NWD2: variants seen among roughly 807,000 people sequenced by gnomAD.
NWD2 encodes NACHT and WD repeat domain containing 2, also known as NACHT and WD repeat domain-containing protein 2.
In NWD2, 37 loss-of-function variants were observed where a neutral mutation model predicts 132.7. The ratio of observed to expected loss-of-function variants is 0.28; its 90% CI spans 0.21 to 0.37. The LOEUF (loss-of-function observed/expected upper bound fraction) is 0.37, where lower values mean the gene tolerates loss of function less well. NWD2 is among the 10% of genes least tolerant of loss of function. The probability of loss-of-function intolerance (pLI) is 1.00; values close to 1 mark genes in which losing one functional copy is unlikely to be tolerated. For missense variants in NWD2, 1,592 were observed against 2,122.4 expected, an observed-to-expected ratio of 0.75 and a Z score of 4.91; for synonymous variants, 705 against 803.0, an observed-to-expected ratio of 0.88 and a Z score of 2.06.
intron 3 of NWD2, 96 bp downstream of exon 3, chr4:37,356,578 G>A: frequency 1.3e-6 from 1 of 750,988 alleles, no homozygotes; most frequent in South Asian, 1.8e-5. Flanking sequence ...TAAATGAGGG[G>A]GAAAAAGACT....
At chr4:37,341,785 A>G (rs1003190113) in intron 2 of NWD2, among the ~76,000 whole-genome samples, 4 of 152,206 alleles carry the variant, frequency 2.6e-5, no homozygotes, top group African/African-American at 4.8e-5. Context: ...TACCTATTTC[A>G]TAAGTTTAAG....
At chr4:37,431,528 A>C (rs1409421913) in intron 4 of NWD2, among the ~76,000 whole-genome samples, 1 of 152,158 alleles carries the variant, frequency 6.6e-6, no homozygotes, top group Admixed American at 6.5e-5. Flanking sequence ...ATTTAGAGGA[A>C]ATAGAGAGAT....
intron 1 of NWD2, among the ~76,000 whole-genome samples, chr4:37,301,167 GCTGTT>G (rs982968512): frequency 2.8e-4 from 43 of 152,146 alleles, no homozygotes; most frequent in African/African-American, 8.2e-4. Flanking sequence ...GGCTTCTAAT[GCTGTT>G]GCAAAGTCAG....
intron 3 of NWD2, among the ~76,000 whole-genome samples, chr4:37,419,629 A>C (rs751806437): frequency 1.3e-5 from 2 of 152,208 alleles, no homozygotes; most frequent in Non-Finnish European, 2.9e-5. Flanking sequence ...ATTTTTTAAA[A>C]ACCACTTGAA....
At chr4:37,377,103 G>C (rs1720362607) in intron 3 of NWD2, among the ~76,000 whole-genome samples, 2 of 152,128 alleles carry the variant, frequency 1.3e-5, no homozygotes, top group Admixed American at 1.3e-4. Flanking sequence ...AGATTAAACT[G>C]TTTGCTGACC....
rs576528963 is a variant in NWD2 at position 37,366,650 on chromosome 4, A to C, written c.357+10168A>C. On this transcript the variant is annotated intron_variant, in intron 3 of 6. Coordinates refer to ENST00000309447, the MANE Select transcript of NWD2 (RefSeq NM_001144990.2). ...AATCGGCTGAGAGTAAAATGATAAAAGTATGTATATCTAGATATAGATATA... is the reference window on the plus strand; with the variant it reads ...AATCGGCTGAGAGTAAAATGATAAACGTATGTATATCTAGATATAGATATA... 2.0e-3 allele frequency among the ~76,000 whole-genome samples: 307 copies of C among 152,260 alleles called. 1 individual carries two copies. Among genetic ancestry groups the C allele is most frequent in the African/African-American group, 7.1e-3 (295 of 41,560 alleles).
At chr4:37,434,771 T>G (rs1357574849) in intron 5 of NWD2, among the ~76,000 whole-genome samples, 1 of 141,968 alleles carries the variant, frequency 7.0e-6, no homozygotes, top group African/African-American at 2.6e-5. Flanking sequence ...AAAAGATAGC[T>G]TTACTTTTTT....
chr4:37,383,320 T>C (rs976290824), intron 3 of NWD2, among the ~76,000 whole-genome samples: 7 of 152,212 alleles, frequency 4.6e-5, no homozygotes, highest in Middle Eastern at 3.2e-3. Context: ...GATATCTCTT[T>C]AGATTTCATC....
intron 1 of NWD2, among the ~76,000 whole-genome samples, chr4:37,292,912 C>T (rs562137337): frequency 3.3e-5 from 5 of 152,022 alleles, no homozygotes; most frequent in African/African-American, 1.2e-4. Context: ...GCTTGCCCAC[C>T]GCTCACCTCC....
At chr4:37,408,008 G>C (rs1721079812) in intron 3 of NWD2, among the ~76,000 whole-genome samples, 1 of 152,198 alleles carries the variant, frequency 6.6e-6, no homozygotes, top group East Asian at 1.9e-4. Flanking sequence ...TACTGCACTT[G>C]TCCCATGGTC....
rs1329240429 is a variant in NWD2 at position 37,443,597 on chromosome 4, C to T, written c.1609C>T (p.Arg537Cys). 28 of 1,551,670 alleles carry T rather than the reference C, an allele frequency of 1.8e-5. No homozygotes were observed. Among genetic ancestry groups the T allele is most frequent in the South Asian group, 4.8e-5 (4 of 84,046 alleles). The change falls in exon 7 of 7, where the codon CGC (arginine) becomes TGC (cysteine). Residue 537 changes from arginine to cysteine, a missense_variant. This residue lies in a region of NWD2 where 1,071 missense variants were observed against 1,398.0 expected (regional missense o/e 0.77). Transcript: ENST00000309447. The surrounding 1 kb of genome is among the most constrained non-coding windows in gnomAD (Gnocchi z 4.1). The part of the protein sequence containing the change: ...KLWWLPAHLP[R>C]FVRIVLSTLP... ...TTGGTGGCTCCCAGCTCACCTGCCC[C>T]GCTTTGTCCGGATAGTCCTTTCCAC...
At chr4:37,385,658 T>G (rs1487211248) in intron 3 of NWD2, among the ~76,000 whole-genome samples, 1 of 152,190 alleles carries the variant, frequency 6.6e-6, no homozygotes, top group African/African-American at 2.4e-5. Flanking sequence ...AAGTTCCACC[T>G]TAACACCAGG....
chr4:37,281,395 G>T (rs184105196), intron 1 of NWD2, among the ~76,000 whole-genome samples: 1 of 151,934 alleles, frequency 6.6e-6, no homozygotes, highest in African/African-American at 2.4e-5. Context: ...TTAAAAATAG[G>T]TAATATAAAG....
At position 37,443,372 on chromosome 4, in the gene NWD2, G is replaced by T. The variant is rs1186535215; in HGVS notation, c.1384G>T (p.Asp462Tyr). Residue 462 changes from aspartate to tyrosine, a missense_variant, in exon 7 of 7, where the codon GAC (aspartate) becomes TAC (tyrosine). Coordinates refer to ENST00000309447, the MANE Select transcript of NWD2 (RefSeq NM_001144990.2). The surrounding 1 kb of genome is among the most constrained non-coding windows in gnomAD (Gnocchi z 4.1). ...TCTAGGAACGACAGACATGAGCTCTGACCTTAGGACTCTCCTTCTAAGTGT... is the reference window on the plus strand; with the variant it reads ...TCTAGGAACGACAGACATGAGCTCTTACCTTAGGACTCTCCTTCTAAGTGT... ...RFLGTTDMSS[D>Y]LRTLLLSVCE... The T allele has an allele frequency of 6.4e-7, 1 of 1,551,804 alleles. No individual in the cohort carries two copies. Among genetic ancestry groups the T allele is most frequent in the African/African-American group, 1.4e-5 (1 of 73,048 alleles).
intron 1 of NWD2, among the ~76,000 whole-genome samples, chr4:37,256,738 T>A (rs950847040): frequency 4.6e-5 from 7 of 152,156 alleles, no homozygotes; most frequent in African/African-American, 1.7e-4. Context: ...ACAATAAGAA[T>A]ATGTAGGGAA....
chr4:37,345,601 A>C (rs1450506829), intron 2 of NWD2, among the ~76,000 whole-genome samples: 1 of 152,190 alleles, frequency 6.6e-6, no homozygotes, highest in Admixed American at 6.5e-5. Flanking sequence ...TCTAGACAAA[A>C]AAATCCATAC....
chr4:37,397,115 G>A (rs1720810941), intron 3 of NWD2, among the ~76,000 whole-genome samples: 1 of 152,124 alleles, frequency 6.6e-6, no homozygotes, highest in African/African-American at 2.4e-5. Context: ...GATAGCCTGG[G>A]AGTTGGTGAT....
At chr4:37,278,014 G>A (rs982918308) in intron 1 of NWD2, among the ~76,000 whole-genome samples, 6 of 152,008 alleles carry the variant, frequency 3.9e-5, no homozygotes, top group African/African-American at 1.2e-4. Context: ...TAATTTTTAG[G>A]TCAGTTTTCC....
chr4:37,420,226 G>C (rs1434933522), intron 3 of NWD2, among the ~76,000 whole-genome samples: 1 of 152,128 alleles, frequency 6.6e-6, no homozygotes, highest in Admixed American at 6.5e-5. Context: ...TAAATGTCTT[G>C]AGTATTATTC....
Sources: gnomAD v4.1 joint callset for allele counts (sites outside exome capture counted in the v4.1 genomes callset) on GRCh38, gnomAD v4.1.1 for gene constraint, gnomAD v4.1.1 regional missense constraint, Gnocchi (gnomAD v3.1) non-coding constraint, MANE v1.5 for transcripts, NCBI Gene and HGNC (gene_info 2026-07-23, HGNC 2026-07-21) for gene names.